Variants in COL9A3 observed in about 807,000 individuals in gnomAD.
COL9A3 encodes the protein collagen type IX alpha 3 chain.
In COL9A3, 82 loss-of-function variants were observed where a neutral mutation model predicts 110.2. The ratio of observed to expected loss-of-function variants is 0.74; its 90% CI spans 0.62 to 0.89. The LOEUF (loss-of-function observed/expected upper bound fraction) is 0.89. Ranked by LOEUF, COL9A3 falls within the 40% of genes least tolerant of loss-of-function variation. The probability of loss-of-function intolerance (pLI) is 0.00; values close to 1 mark genes in which losing one functional copy is unlikely to be tolerated. For missense variants in COL9A3, 1,066 were observed against 981.3 expected, an observed-to-expected ratio of 1.09 and a Z score of -1.15; for synonymous variants, 494 against 403.8, an observed-to-expected ratio of 1.22 and a Z score of -2.68.
chr20:62,824,511 G>T lies in COL9A3; in HGVS notation c.576+10G>T. ...AATGCCAGGGTTCAAGGTGAGTCACGGGTGACTGGGACCCAAGCACCACCC... is the reference window on the plus strand; with the variant it reads ...AATGCCAGGGTTCAAGGTGAGTCACTGGTGACTGGGACCCAAGCACCACCC... On this transcript the variant is annotated intron_variant, in intron 11 of 31. Transcript: ENST00000649368. 2 of 1,582,676 alleles carry T rather than the reference G, an allele frequency of 1.3e-6. No individual in the cohort carries two copies. Among genetic ancestry groups the T allele is most frequent in the Middle Eastern group, 1.8e-4 (1 of 5,682 alleles).
intron 17 of COL9A3, 47 bp from the exon 18 acceptor site, chr20:62,828,717 G>A (rs763925721): frequency 6.2e-7 from 1 of 1,605,428 alleles, no homozygotes; most frequent in Non-Finnish European, 8.5e-7. Flanking sequence ...GTAGAGGGAG[G>A]GAGGGGGGCC....
At chr20:62,835,604 G>C (rs1196807786) in intron 26 of COL9A3, among the ~76,000 whole-genome samples, 1 of 152,204 alleles carries the variant, frequency 6.6e-6, no homozygotes, top group Admixed American at 6.5e-5. Flanking sequence ...TTTTAGGGCA[G>C]AGAGGTTCAG....
chr20:62,824,993 A>C lies in COL9A3; in HGVS notation c.602A>C (p.Gln201Pro), dbSNP rs761414928. The C allele has an allele frequency of 1.2e-6, 2 of 1,605,398 alleles. No individual in the cohort carries two copies. Among genetic ancestry groups the C allele is most frequent in the Admixed American group, 1.7e-5 (1 of 59,656 alleles). Residue 201 changes from glutamine to proline, a missense_variant, in exon 12 of 32, where the codon CAG becomes CCG. Gln to Pro is a moderately conservative substitution (Grantham distance 76). Transcript: ENST00000649368. ...GGACCCACTGGCTACAAAGGCGAGC[A>C]GGGGGAAGTCGGCAAGGACGGCGAG... ...FKGPTGYKGE[Q>P]GEVGKDGEKG...
chr20:62,824,472 C>T lies in COL9A3; in HGVS notation c.547C>T (p.Pro183Ser). ...CCCAAGTATCTGCCCGCCAGGTCCC[C>T]CAGGGCCCCCTGGAATGCCAGGGTT... is the stretch of plus-strand genomic sequence containing the variant. ...QCPSICPPGP[P>S]GPPGMPGFKG... Residue 183 changes from proline to serine, a missense_variant, in exon 11 of 32, where the codon CCA (proline) becomes TCA (serine). Transcript: ENST00000649368. The T allele has an allele frequency of 1.2e-6, 2 of 1,600,972 alleles. No homozygotes were observed. Among genetic ancestry groups the T allele is most frequent in the Non-Finnish European group, 1.7e-6 (2 of 1,174,396 alleles).
chr20:62,818,817 A>G lies in COL9A3; in HGVS notation c.183+264A>G, dbSNP rs116110757. ...GGCAGGCCGGGACCGGGGCTGGTAC[A>G]GCCCTTCAGGTCCCCCAGGCCTGAG... is the stretch of plus-strand genomic sequence containing the variant. On this transcript the variant is annotated intron_variant, in intron 3 of 31. Transcript: ENST00000649368. 0.11 allele frequency among the ~76,000 whole-genome samples: 16,948 copies of G among 152,236 alleles called. 1,164 individuals carry two copies. The highest frequency in any genetic ancestry group is 0.2 in the Middle Eastern group (60 of 294).
intron 30 of COL9A3, among the ~76,000 whole-genome samples, chr20:62,838,178 C>T (rs2063650536): frequency 6.6e-6 from 1 of 152,244 alleles, no homozygotes; most frequent in East Asian, 1.9e-4. Flanking sequence ...TTCAGCCGTG[C>T]ACGGCTCAGC....
At chr20:62,820,049 C>A in intron 5 of COL9A3, 67 bp downstream of exon 5, 1 of 1,558,684 alleles carries the variant, frequency 6.4e-7, no homozygotes, top group Non-Finnish European at 8.8e-7. Flanking sequence ...CCTCTGGCTG[C>A]TCTGTGTCCA....
chr20:62,819,821 A>G (rs1391732295), intron 4 of COL9A3, 108 bp from the exon 5 acceptor site: 10 of 1,235,208 alleles, frequency 8.1e-6, no homozygotes, highest in Admixed American at 3.4e-5. Flanking sequence ...AGGGTCTTCT[A>G]TGCCTCTCTG....
At position 62,821,517 on chromosome 20, in the gene COL9A3, T is replaced by A; in HGVS notation, c.356T>A (p.Leu119His). The change falls in exon 7 of 32, where the codon CTC (leucine) becomes CAC (histidine). Residue 119 changes from leucine (L) to histidine (H), a missense_variant. By Grantham distance (99) the Leu-to-His change is moderately conservative. Transcript: ENST00000649368. ...TGTTTGGCTTTGCAGGGCAAAGGCC[T>A]CCCTGGACCCCCCGTGAGTACTGAC... Reference protein sequence around the residue: ...PGPPGLGGKGLPGPPGEAGVS... With the variant: ...PGPPGLGGKGHPGPPGEAGVS... 1 of 1,612,824 alleles carries A rather than the reference T, an allele frequency of 6.2e-7. No individual in the cohort carries two copies. The highest frequency in any genetic ancestry group is 8.5e-7 in the Non-Finnish European group (1 of 1,179,936).
chr20:62,822,792 C>G (rs902024470), intron 10 of COL9A3, among the ~76,000 whole-genome samples, 160 bp downstream of exon 10: 3 of 152,004 alleles, frequency 2.0e-5, no homozygotes, highest in Admixed American at 2.0e-4. Context: ...CACAACCTGG[C>G]AGAGAGGCTG....
At position 62,819,925 on chromosome 20, in the gene COL9A3, C is replaced by G. The variant is rs1207331470; in HGVS notation, c.256-4C>G. On this transcript the variant is annotated splice_region_variant and splice_polypyrimidine_tract_variant and intron_variant, in intron 4 of 31. Transcript: ENST00000649368. ...CCTCGAGCTCGCCCTCTGCCTCTCC[C>G]CAGGGTCTGACTGGACGAGATGGAC... 2 of 1,612,946 alleles carry G rather than the reference C, an allele frequency of 1.2e-6. No homozygotes were observed. Among genetic ancestry groups the G allele is most frequent in the Non-Finnish European group, 1.7e-6 (2 of 1,180,002 alleles).
intron 11 of COL9A3, among the ~76,000 whole-genome samples, chr20:62,824,722 G>A (rs1044033495): frequency 6.6e-6 from 1 of 152,202 alleles, no homozygotes; most frequent in Non-Finnish European, 1.5e-5. Flanking sequence ...AGAGACTGCG[G>A]GGGAGAGCTA....
In COL9A3 at chr20:62,829,484, C is replaced by T. The variant is rs1388594658; in HGVS notation, c.1038C>T (p.Gly346=). Residue 346 remains glycine (G), a synonymous_variant, in exon 20 of 32, where the codon GGC becomes GGT. Transcript: ENST00000649368. ...TCCCTGGACGAGCGGGGTCCAAAGG[C>T]GAGAAGGGAGAACGGGTATGTGGCT... ...PGLPGRAGSK[G]EKGERGRAGE... The T allele has an allele frequency of 5.0e-6, 8 of 1,612,532 alleles. No homozygotes were observed. The highest frequency in any genetic ancestry group is 1.3e-5 in the African/African-American group (1 of 74,862).
intron 3 of COL9A3, 114 bp from the exon 4 acceptor site, chr20:62,819,108 C>A: frequency 9.6e-7 from 1 of 1,047,044 alleles, no homozygotes; most frequent in Non-Finnish European, 1.5e-6. Flanking sequence ...AGGAGAGGGG[C>A]CCATCCCGTA....
chr20:62,825,522 C>T (rs1325790753), intron 12 of COL9A3: 1 of 542,682 alleles, frequency 1.8e-6, no homozygotes, highest in Non-Finnish European at 3.3e-6. Flanking sequence ...GATGAGGAGA[C>T]CCCAGGTGCA....
In COL9A3 at chr20:62,817,648, G is replaced by A; in HGVS notation, c.147+13G>A. The A allele has an allele frequency of 6.5e-7, 1 of 1,527,460 alleles. No individual in the cohort carries two copies. Among genetic ancestry groups the A allele is most frequent in the Non-Finnish European group, 8.8e-7 (1 of 1,133,098 alleles). 94.6% of individuals were successfully genotyped at this position (1,527,460 alleles called of 1,614,324 possible). On this transcript the variant is annotated intron_variant, in intron 2 of 31. Coordinates refer to ENST00000649368, the MANE Select transcript of COL9A3 (RefSeq NM_001853.4). ...GGACGGCATTGACGTGAGTTTGGGG[G>A]TGGGGAGGGCCCCGAGCGCTCTGGG...
intron 25 of COL9A3, 168 bp from the exon 26 acceptor site, chr20:62,832,852 A>T: frequency 1.9e-6 from 1 of 524,096 alleles, no homozygotes. Context: ...AGGTCTCCCA[A>T]GGGCTGTGTT....
chr20:62,829,010 G>T, intron 19 of COL9A3, 34 bp downstream of exon 19: 1 of 1,571,596 alleles, frequency 6.4e-7, no homozygotes, highest in Non-Finnish European at 8.6e-7. Flanking sequence ...AGCCTGGGGC[G>T]CCACAGCTTC....
intron 5 of COL9A3, among the ~76,000 whole-genome samples, chr20:62,820,331 C>T (rs1002565751): frequency 6.6e-6 from 1 of 151,930 alleles, no homozygotes; most frequent in South Asian, 2.1e-4. Flanking sequence ...ACGCAGCCTG[C>T]AGAGTCCCCT....
Sources: gnomAD v4.1 joint callset for allele counts (sites outside exome capture counted in the v4.1 genomes callset) on GRCh38, gnomAD v4.1.1 for gene constraint, MANE v1.5 for transcripts, NCBI Gene and HGNC (gene_info 2026-07-23, HGNC 2026-07-21) for gene names.